Variants in PTPRA observed in about 807,000 individuals in gnomAD.
PTPRA encodes receptor-type tyrosine-protein phosphatase alpha.
PTPRA carries 25 observed loss-of-function variants against 104.8 expected under a neutral mutation model. The observed-to-expected ratio is 0.24, with a 90% CI of 0.17 to 0.33. The LOEUF is 0.33. Ranked by LOEUF, PTPRA falls within the 10% of genes least tolerant of loss-of-function variation. The pLI, the probability that PTPRA is intolerant of heterozygous loss-of-function variation, is 1.00. For missense variants in PTPRA, 765 were observed against 1,015.3 expected (o/e 0.75, Z 3.35); for synonymous variants, 323 against 368.9 (o/e 0.88, Z 1.43).
intron 5 of PTPRA, among the ~76,000 whole-genome samples, chr20:2,972,619 T>C (rs564198800): frequency 2.4e-4 from 37 of 152,366 alleles, no homozygotes; most frequent in African/African-American, 7.9e-4. Flanking sequence ...ATGAGATTGA[T>C]CTATGTTTTT....
intron 13 of PTPRA, among the ~76,000 whole-genome samples, chr20:3,019,155 T>C (rs867090309): frequency 2.9e-5 from 4 of 139,308 alleles, no homozygotes; most frequent in African/African-American, 1.1e-4. Flanking sequence ...GGCGGGGGGC[T>C]GATCCCCCAA....
Position 3,027,726 on chromosome 20 carries a change from C to T in PTPRA, c.1805C>T (p.Ser602Phe). ...SFIDGYRQKDSYIASQGPLLH... is the reference protein window; with the variant it reads ...SFIDGYRQKDFYIASQGPLLH... ...GTGCAGGGCTACCGGCAGAAGGACT[C>T]CTATATCGCCAGCCAGGGCCCTCTT... is the stretch of plus-strand genomic sequence containing the variant. The change falls in exon 20 of 24, where the codon TCC becomes TTC. Residue 602 changes from serine (S) to phenylalanine (F), a missense_variant. Coordinates refer to ENST00000399903, the MANE Select transcript of PTPRA (RefSeq NM_001385305.1). 1 of 1,614,052 alleles carries T rather than the reference C, an allele frequency of 6.2e-7. No individual in the cohort carries two copies. Among genetic ancestry groups the T allele is most frequent in the Non-Finnish European group, 8.5e-7 (1 of 1,179,990 alleles).
chr20:2,943,741 T>A (rs2061017122), intron 2 of PTPRA, among the ~76,000 whole-genome samples: 1 of 152,210 alleles, frequency 6.6e-6, no homozygotes, highest in South Asian at 2.1e-4. Context: ...ATCTTGCATG[T>A]AGCCGAAAAC....
intron 1 of PTPRA, among the ~76,000 whole-genome samples, chr20:2,892,588 A>G (rs2058841854): frequency 6.6e-6 from 1 of 152,186 alleles, no homozygotes; most frequent in Non-Finnish European, 1.5e-5. Context: ...AGTATACTCC[A>G]TGGTGTACTG....
In PTPRA at chr20:3,018,331, G is replaced by A. The variant is rs552822889; in HGVS notation, c.1041+418G>A. 3.5e-3 allele frequency among the ~76,000 whole-genome samples: 526 copies of A among 152,156 alleles called. 6 individuals carry two copies. Among genetic ancestry groups the A allele is most frequent in the African/African-American group, 0.012 (515 of 41,474 alleles). On this transcript the variant is annotated intron_variant, in intron 13 of 23. Transcript: ENST00000399903. ...AGGGAAGGTCAGCAGATAAACAAGT[G>A]AACAAAGGTCTCTGGTTTTCCTAGG...
intron 1 of PTPRA, among the ~76,000 whole-genome samples, chr20:2,919,342 A>G (rs1568653588): frequency 1.3e-5 from 2 of 152,208 alleles, no homozygotes; most frequent in Admixed American, 6.5e-5. Context: ...AGGTTCAGTA[A>G]TAAGTTAAAC....
At chr20:3,026,821 C>A (rs780450834) in intron 18 of PTPRA, 41 bp downstream of exon 18, 1 of 1,465,766 alleles carries the variant, frequency 6.8e-7, no homozygotes, top group Non-Finnish European at 9.6e-7. Context: ...ATTGCCCCAT[C>A]CCTCAATTCC....
At chr20:2,931,217 G>A (rs1389152656) in intron 2 of PTPRA, among the ~76,000 whole-genome samples, 1 of 152,140 alleles carries the variant, frequency 6.6e-6, no homozygotes, top group Non-Finnish European at 1.5e-5. Context: ...TAGCTTGGAT[G>A]TAACACTGGG....
the PTPRA span, chr20:2,865,836 T>A: frequency 6.6e-6 from 3 of 457,982 alleles, no homozygotes; most frequent in South Asian, 7.3e-5. This position sits in a 1 kb window ranked among gnomAD's most constrained non-coding sequence, Gnocchi z 5.2. Context: ...GTGGAGATAC[T>A]GAGGGCTGTT....
chr20:2,999,481 A>T (rs1489049955), intron 9 of PTPRA, among the ~76,000 whole-genome samples: 1 of 152,196 alleles, frequency 6.6e-6, no homozygotes, highest in Non-Finnish European at 1.5e-5. Flanking sequence ...AGTAATTAAG[A>T]CAGTTTTGTA....
chr20:2,988,740 A>G (rs777400832), intron 9 of PTPRA, among the ~76,000 whole-genome samples: 1 of 152,212 alleles, frequency 6.6e-6, no homozygotes, highest in Non-Finnish European at 1.5e-5. Context: ...CAAGCATCTA[A>G]TATTTGTCAG....
At chr20:2,929,373 C>T (rs2060426722) in intron 2 of PTPRA, among the ~76,000 whole-genome samples, 1 of 152,146 alleles carries the variant, frequency 6.6e-6, no homozygotes, top group South Asian at 2.1e-4. Context: ...TGTATTTCTT[C>T]AGTTTTATTT....
At chr20:2,940,115 A>AT in intron 2 of PTPRA, among the ~76,000 whole-genome samples, 1 of 152,190 alleles carries the variant, frequency 6.6e-6, no homozygotes, top group African/African-American at 2.4e-5. Flanking sequence ...CATCTCAAAC[A>AT]AAAACAAAAA....
In PTPRA at chr20:3,026,705, A is replaced by C; in HGVS notation, c.1633A>C (p.Ile545Leu). 1 of 1,611,896 alleles carries C rather than the reference A, an allele frequency of 6.2e-7. No homozygotes were observed. Among genetic ancestry groups the C allele is most frequent in the Non-Finnish European group, 8.5e-7 (1 of 1,178,062 alleles). Residue 545 changes from isoleucine to leucine, a missense_variant, in exon 18 of 24, where the codon ATC (isoleucine) becomes CTC (leucine). Physicochemically the swap from Ile to Leu is conservative, Grantham distance 5 (BLOSUM62 2). Coordinates refer to ENST00000399903, the MANE Select transcript of PTPRA (RefSeq NM_001385305.1). ...EEFKKLTSIK[I>L]QNDKMRTGNL... is the part of the protein sequence containing the mutation. ...AATTCAGAAGTTAACATCAATCAAA[A>C]TCCAGAATGACAAGATGCGGACTGG...
At chr20:2,905,461 TC>T (rs2147147450) in intron 1 of PTPRA, among the ~76,000 whole-genome samples, 1 of 152,272 alleles carries the variant, frequency 6.6e-6, no homozygotes, top group Admixed American at 6.5e-5. Flanking sequence ...GTATGTTTGT[TC>T]CAAATCTGCT....
chr20:2,941,315 G>A (rs114422263), intron 2 of PTPRA, among the ~76,000 whole-genome samples: 2,889 of 152,254 alleles, frequency 0.019, 97 homozygotes, highest in African/African-American at 0.064. Flanking sequence ...ACAGGCATGA[G>A]CCACTACGCC....
chr20:3,020,743 C>T (rs991778001), intron 13 of PTPRA, among the ~76,000 whole-genome samples: 1 of 152,166 alleles, frequency 6.6e-6, no homozygotes, highest in Non-Finnish European at 1.5e-5. Context: ...CCTAGGGTAT[C>T]GGGTGTCATG....
At position 3,014,436 on chromosome 20, in the gene PTPRA, G is replaced by A. The variant is rs551630463; in HGVS notation, c.907-1413G>A. ...GCGGATCATCTGAGTTCAGGAATTC[G>A]AGAGCAGCGTGGCCAACATGGTGAA... On this transcript the variant is annotated intron_variant, in intron 11 of 23. Transcript: ENST00000399903. Among the ~76,000 whole-genome samples the A allele has an allele frequency of 9.9e-5, 15 of 152,242 alleles. No individual in the cohort carries two copies. In the South Asian group the frequency reaches 2.7e-3, roughly 27 times the overall value.
intron 16 of PTPRA, 82 bp from the exon 17 acceptor site, chr20:3,024,390 T>C (rs1288657094): frequency 1.5e-6 from 2 of 1,365,182 alleles, no homozygotes; most frequent in Middle Eastern, 2.3e-4. Context: ...TGGACTGGAG[T>C]GAAGTGGGGG....
Sources: allele counts gnomAD v4.1 joint callset (sites outside exome capture counted in the v4.1 genomes callset), GRCh38; gene constraint gnomAD v4.1.1; non-coding constraint Gnocchi (gnomAD v3.1); transcripts MANE v1.5; gene names NCBI Gene and HGNC (gene_info 2026-07-23, HGNC 2026-07-21).